The following MFNG variants were observed in gnomAD, a reference collection of about 807,000 sequenced individuals.
MFNG encodes MFNG O-fucosylpeptide 3-beta-N-acetylglucosaminyltransferase, also known as beta-1,3-N-acetylglucosaminyltransferase manic fringe.
MFNG carries 24 observed loss-of-function variants against 34.2 expected under a neutral mutation model. The observed-to-expected ratio is 0.70, with a 90% confidence interval of 0.51 to 0.99. MFNG has a LOEUF of 0.99. MFNG is among the 50% of genes least tolerant of loss of function. The pLI, the probability that MFNG is intolerant of heterozygous loss-of-function variation, is 0.00. For missense variants in MFNG, 383 were observed against 424.0 expected, an observed-to-expected ratio of 0.90 and a Z score of 0.85; for synonymous variants, 158 against 179.2, an observed-to-expected ratio of 0.88 and a Z score of 0.94.
chr22:37,469,620 C>T lies in MFNG; in HGVS notation c.*343G>A. The stretch of plus-strand genomic sequence containing the variant: ...GCCAGGGCCAACGGCCAGACCCCAC[C>T]CAGAGGCCATGTCACTGCCTAAAGG... On this transcript the variant is annotated 3_prime_UTR_variant, in exon 8 of 8. Transcript: ENST00000356998. 1 of 394,832 alleles carries T rather than the reference C, an allele frequency of 2.5e-6. No homozygotes were observed. Among genetic ancestry groups the T allele is most frequent in the South Asian group, 2.1e-5 (1 of 48,312 alleles). The allele number at this position is 394,832 out of a possible 1,614,324, so 24.5% of individuals were successfully genotyped here.
chr22:37,476,989 AGAGG>A lies in MFNG; in HGVS notation c.562-12_562-9del. ...CCAGAACTGTACCAGCCTCTGAGAG[AGAGG>A]AAGGCCAAGGGGCAGAGTGAGCCTG... On this transcript the variant is annotated splice_polypyrimidine_tract_variant and intron_variant, in intron 4 of 7. Coordinates refer to ENST00000356998, the MANE Select transcript of MFNG (RefSeq NM_002405.4). 6.2e-7 allele frequency: 1 copy of A among 1,613,808 alleles called. No homozygotes were observed. Among genetic ancestry groups the A allele is most frequent in the Non-Finnish European group, 8.5e-7 (1 of 1,179,780 alleles).
chr22:37,480,877 T>G, intron 1 of MFNG, 108 bp from the exon 2 acceptor site: 2 of 909,548 alleles, frequency 2.2e-6, no homozygotes, highest in Non-Finnish European at 3.5e-6. Flanking sequence ...ACTCCTCCAG[T>G]GACAGACACA....
intron 5 of MFNG, among the ~76,000 whole-genome samples, chr22:37,476,363 C>T (rs1242765599): frequency 6.6e-6 from 1 of 151,856 alleles, no homozygotes; most frequent in African/African-American, 2.4e-5. Context: ...GATGTACACC[C>T]ACTGTGCTAT....
intron 4 of MFNG, among the ~76,000 whole-genome samples, chr22:37,478,103 G>T (rs1569157225): frequency 6.6e-6 from 1 of 152,330 alleles, no homozygotes; most frequent in East Asian, 1.9e-4. Flanking sequence ...CATACACAGA[G>T]CCCTAGGGCC....
chr22:37,478,288 T>C (rs532668389), intron 4 of MFNG, among the ~76,000 whole-genome samples: 1 of 152,250 alleles, frequency 6.6e-6, no homozygotes, highest in South Asian at 2.1e-4. Context: ...CCTCCCGATC[T>C]GCCTTCTTCC....
chr22:37,472,580 A>AG, intron 6 of MFNG, 52 bp from the exon 7 acceptor site: 1 of 1,485,814 alleles, frequency 6.7e-7, no homozygotes, highest in Non-Finnish European at 9.1e-7. Context: ...GATCCCCACA[A>AG]GGGGGCAGCA....
intron 1 of MFNG, chr22:37,481,461 C>T (rs1160868823): frequency 1.3e-5 from 2 of 152,528 alleles, no homozygotes; most frequent in East Asian, 3.9e-4. Context: ...CCGGACCTCT[C>T]CCCACCGCCT....
In MFNG at chr22:37,485,886, G is replaced by A. The variant is rs1008249320; in HGVS notation, c.255+37C>T. ...GGCCTCTGAGAACCCCTTAGGCCAG[G>A]GGCCACCCCCAGGGCCCAATGTCAC... is the stretch of plus-strand genomic sequence containing the variant. On this transcript the variant is annotated intron_variant, in intron 1 of 7. Transcript: ENST00000356998. The surrounding 1 kb of genome is among the most constrained non-coding windows in gnomAD (Gnocchi z 5.3). The A allele has an allele frequency of 5.7e-6, 9 of 1,590,336 alleles. No individual in the cohort carries two copies. In the African/African-American group the frequency reaches 1.2e-4, roughly 21 times the overall value.
At chr22:37,472,556 G>C in intron 6 of MFNG, 28 bp from the exon 7 acceptor site, 1 of 1,557,184 alleles carries the variant, frequency 6.4e-7, no homozygotes. Context: ...AGAGTGTTGG[G>C]GCATCACACT....
In MFNG at chr22:37,482,479, ACG is replaced by A. The variant is rs1491495019; in HGVS notation, c.256-1712_256-1711del. 2.6e-5 allele frequency among the ~76,000 whole-genome samples: 4 copies of A among 151,354 alleles called. No individual in the cohort carries two copies. Among genetic ancestry groups the A allele is most frequent in the African/African-American group, 4.9e-5 (2 of 41,010 alleles). On this transcript the variant is annotated intron_variant, in intron 1 of 7. Transcript: ENST00000356998. This position sits in a 1 kb window ranked among gnomAD's most constrained non-coding sequence, Gnocchi z 4.1. ...CACGCATACACACACACACACACACACGCACGTGCGCACGCCTCTGAGCCTCT... is the reference window on the plus strand; with the variant it reads ...CACGCATACACACACACACACACACACACGTGCGCACGCCTCTGAGCCTCT...
Position 37,476,984 on chromosome 22 carries a change from G to A in MFNG, c.562-3C>T, listed in dbSNP as rs199573207. Reference sequence around the variant, plus strand: ...GCAAACCAGAACTGTACCAGCCTCTGAGAGAGAGGAAGGCCAAGGGGCAGA... The same window carrying A: ...GCAAACCAGAACTGTACCAGCCTCTAAGAGAGAGGAAGGCCAAGGGGCAGA... On this transcript the variant is annotated splice_polypyrimidine_tract_variant and splice_region_variant and intron_variant, in intron 4 of 7. Transcript: ENST00000356998. 151 of 1,613,906 alleles carry A rather than the reference G, an allele frequency of 9.4e-5. No homozygotes were observed. In the African/African-American group the frequency reaches 1.3e-3, roughly 14 times the overall value.
chr22:37,474,084 G>A (rs1253032211), intron 6 of MFNG, among the ~76,000 whole-genome samples: 1 of 152,170 alleles, frequency 6.6e-6, no homozygotes, highest in African/African-American at 2.4e-5. Context: ...GCAATGGATA[G>A]GGGAGTTTTG....
At chr22:37,479,228 G>A (rs1183028418) in intron 4 of MFNG, 117 bp downstream of exon 4, 1 of 1,216,324 alleles carries the variant, frequency 8.2e-7, no homozygotes, top group East Asian at 3.0e-5. Flanking sequence ...AACCCACATA[G>A]GGCCAAACCT....
chr22:37,476,886 C>A lies in MFNG; in HGVS notation c.647+10G>T. ...CCCGCCTTCCTGCCCACCCCTGGGT[C>A]TCTGCTTACCTGGCCCACGGAGCCA... On this transcript the variant is annotated intron_variant, in intron 5 of 7. Transcript: ENST00000356998. 6.4e-7 allele frequency: 1 copy of A among 1,560,704 alleles called. No individual in the cohort carries two copies. The highest frequency in any genetic ancestry group is 8.8e-7 in the Non-Finnish European group (1 of 1,137,918).
At chr22:37,471,854 A>AAAAAAC (rs1921820318) in intron 7 of MFNG, among the ~76,000 whole-genome samples, 1 of 150,436 alleles carries the variant, frequency 6.6e-6, no homozygotes. Flanking sequence ...AAAAAAAAAA[A>AAAAAAC]AGCCACAGCT....
rs994090137 is a variant in MFNG, at chr22:37,474,895, G to A, written c.648-218C>T. Among the ~76,000 whole-genome samples, 37 of 152,230 alleles carry A rather than the reference G, an allele frequency of 2.4e-4. 1 individual carries two copies. Among genetic ancestry groups the A allele is most frequent in the Admixed American group, 2.4e-3 (37 of 15,286 alleles). On this transcript the variant is annotated intron_variant, in intron 5 of 7. Coordinates refer to ENST00000356998, the MANE Select transcript of MFNG (RefSeq NM_002405.4). The stretch of plus-strand genomic sequence containing the variant: ...ATGCTAATGGCCGTGTCTTCGTGGA[G>A]CTGTCGTGAGGATTAAACAGGGAAT...
At position 37,469,869 on chromosome 22, in the gene MFNG, A is replaced by G. The variant is rs1921727146; in HGVS notation, c.*94T>C. On this transcript the variant is annotated 3_prime_UTR_variant, in exon 8 of 8. Coordinates refer to ENST00000356998, the MANE Select transcript of MFNG (RefSeq NM_002405.4). ...CCGAAGGCCCTGCCAGGGACTGCCT[A>G]TCACAAGACACTTGCCAGGGACCCA... is the stretch of plus-strand genomic sequence containing the variant. 6 of 1,048,380 alleles carry G rather than the reference A, an allele frequency of 5.7e-6. No homozygotes were observed. The highest frequency in any genetic ancestry group is 2.0e-4 in the Middle Eastern group (1 of 5,020). 64.9% of individuals were successfully genotyped at this position (1,048,380 alleles called of 1,614,324 possible).
At position 37,479,366 on chromosome 22, in the gene MFNG, C is replaced by A. The variant is rs1489256471; in HGVS notation, c.540G>T (p.Glu180Asp). 1 of 1,596,984 alleles carries A rather than the reference C, an allele frequency of 6.3e-7. No homozygotes were observed. The highest frequency in any genetic ancestry group is 1.1e-5 in the South Asian group (1 of 89,398). Reference protein sequence around the residue: ...PSLNRPIHASEPQPHNRTRLV... With the variant: ...PSLNRPIHASDPQPHNRTRLV... ...CCACCGTGCGGTTGTGGGGCTGTGG[C>A]TCTGAGGCATGGATGGGCCGGTTCA... is the stretch of plus-strand genomic sequence containing the variant. Residue 180 changes from glutamate (E) to aspartate (D), a missense_variant, in exon 4 of 8, where the codon GAG becomes GAT. By Grantham distance (45) the Glu-to-Asp change is conservative (BLOSUM62 2). Coordinates refer to ENST00000356998, the MANE Select transcript of MFNG (RefSeq NM_002405.4).
chr22:37,477,798 C>T (rs1166499864), intron 4 of MFNG, among the ~76,000 whole-genome samples: 1 of 152,192 alleles, frequency 6.6e-6, no homozygotes, highest in East Asian at 1.9e-4. Context: ...GGTCTCATTC[C>T]AAGGACTTGG....
Sources: allele counts gnomAD v4.1 joint callset (sites outside exome capture counted in the v4.1 genomes callset), GRCh38; gene constraint gnomAD v4.1.1; non-coding constraint Gnocchi (gnomAD v3.1); transcripts MANE v1.5; gene names NCBI Gene and HGNC (gene_info 2026-07-23, HGNC 2026-07-21).